The following SOCS7 variants were observed in gnomAD, a reference collection of about 807,000 sequenced individuals.
SOCS7 encodes the protein suppressor of cytokine signaling 7.
A neutral mutation model predicts 58.9 loss-of-function variants in SOCS7; 18 were observed. That is an observed-to-expected ratio of 0.31 (90% confidence interval 0.21 to 0.45). The LOEUF (loss-of-function observed/expected upper bound fraction) is 0.45. Ranked by LOEUF, SOCS7 falls within the 20% of genes least tolerant of loss-of-function variation. SOCS7 has a pLI of 1.00. For synonymous variants in SOCS7, 388 were observed against 364.3 expected (o/e 1.06, Z -0.74); for missense variants, 667 against 837.3 (o/e 0.80, Z 2.51).
Position 38,368,807 on chromosome 17 carries a change from T to G in SOCS7, c.1552+757T>G, listed in dbSNP as rs1344150509. Among the ~76,000 whole-genome samples the G allele has an allele frequency of 2.7e-4, 41 of 152,218 alleles. 1 individual carries two copies. The highest frequency in any genetic ancestry group is 2.7e-3 in the Admixed American group (41 of 15,278). On this transcript the variant is annotated intron_variant, in intron 6 of 9. Coordinates refer to ENST00000612932, the MANE Select transcript of SOCS7 (RefSeq NM_014598.4). ...GTGTCTGAATTTCTTTGTCTGATAG[T>G]CACTTTCTCCCAGGCAGCATGGTGA...
rs747419721 is a variant in SOCS7, at chr17:38,352,806, C to T, written c.754C>T (p.Pro252Ser). The T allele has an allele frequency of 1.3e-6, 2 of 1,554,322 alleles. No homozygotes were observed. Among genetic ancestry groups the T allele is most frequent in the African/African-American group, 1.4e-5 (1 of 73,320 alleles). Residue 252 changes from proline (P) to serine (S), a missense_variant, in exon 1 of 10, where the codon CCT becomes TCT. By Grantham distance (74) the Pro-to-Ser change is moderately conservative (BLOSUM62 -1). Transcript: ENST00000612932. This position sits in a 1 kb window ranked among gnomAD's most constrained non-coding sequence, Gnocchi z 5.5. Reference protein sequence around the residue: ...GEQQQQQQQQPPPPPPPPGPL... With the variant: ...GEQQQQQQQQSPPPPPPPGPL... Reference sequence around the variant, plus strand: ...GCAGCAGCAGCAGCAGCAGCAGCAACCTCCCCCGCCCCCGCCTCCTCCCGG... The same window carrying T: ...GCAGCAGCAGCAGCAGCAGCAGCAATCTCCCCCGCCCCCGCCTCCTCCCGG...
intron 2 of SOCS7, among the ~76,000 whole-genome samples, chr17:38,362,692 C>T (rs956316853): frequency 2.6e-5 from 4 of 152,180 alleles, no homozygotes; most frequent in African/African-American, 9.6e-5. Flanking sequence ...TGAATTGGTA[C>T]CTGTATAGGC....
At chr17:38,373,010 G>A (rs8066345) in intron 6 of SOCS7, among the ~76,000 whole-genome samples, 73 of 152,078 alleles carry the variant, frequency 4.8e-4, no homozygotes, top group African/African-American at 1.7e-3. Context: ...GGAGGCTGAG[G>A]CAGGAGAATC....
chr17:38,396,596 G>A (rs1363491038), intron 9 of SOCS7, among the ~76,000 whole-genome samples: 2 of 152,172 alleles, frequency 1.3e-5, no homozygotes, highest in Admixed American at 6.5e-5. Flanking sequence ...ATTTATCTAC[G>A]AGGCTCTTCT....
chr17:38,399,388 C>T (rs1353222488), intron 9 of SOCS7, 125 bp from the exon 10 acceptor site: 2 of 152,234 alleles, frequency 1.3e-5, no homozygotes, highest in Non-Finnish European at 2.9e-5. Flanking sequence ...TGGAAGCGTT[C>T]AGCTCTCCAG....
In SOCS7 at chr17:38,352,103, G is replaced by T; in HGVS notation, c.51G>T (p.Ser17=). 1 of 715,628 alleles carries T rather than the reference G, an allele frequency of 1.4e-6. No individual in the cohort carries two copies. Among genetic ancestry groups the T allele is most frequent in the African/African-American group, 1.9e-5 (1 of 53,590 alleles). The allele number at this position is 715,628 out of a possible 1,614,324, so 44.3% of individuals were successfully genotyped here. ...GCGAGGCGGCGGCGGCGGCCGCTTC[G>T]TACCGCGTCCTGAGCCGCCTCCTTG... ...RDGEAAAAAA[S]YRVLSRLLGY... Residue 17 remains serine, a synonymous_variant, in exon 1 of 10, where the codon TCG becomes TCT. Coordinates refer to ENST00000612932, the MANE Select transcript of SOCS7 (RefSeq NM_014598.4). The surrounding 1 kb of genome is among the most constrained non-coding windows in gnomAD (Gnocchi z 5.5).
At chr17:38,380,638 A>AT (rs1357022725) in intron 7 of SOCS7, among the ~76,000 whole-genome samples, 4 of 151,524 alleles carry the variant, frequency 2.6e-5, no homozygotes, top group African/African-American at 9.7e-5. Context: ...CTCAAAAAAA[A>AT]AAAAATAATA....
At chr17:38,361,915 G>A in intron 2 of SOCS7, 140 bp downstream of exon 2, 2 of 641,122 alleles carry the variant, frequency 3.1e-6, no homozygotes, top group African/African-American at 1.8e-5. Context: ...TAGTGGGTTT[G>A]GGGTGAGGCT....
intron 7 of SOCS7, among the ~76,000 whole-genome samples, chr17:38,387,664 T>TAA (rs1383699730): frequency 1.1e-4 from 9 of 83,704 alleles, no homozygotes; most frequent in African/African-American, 6.3e-4. Flanking sequence ...ATTGTATATA[T>TAA]TATACTATAT....
intron 1 of SOCS7, among the ~76,000 whole-genome samples, chr17:38,358,701 A>G (rs1427775864): frequency 6.6e-6 from 1 of 152,078 alleles, no homozygotes; most frequent in African/African-American, 2.4e-5. Flanking sequence ...TGTCTCCCCA[A>G]AGAGAGAAAG....
At position 38,377,625 on chromosome 17, in the gene SOCS7, G is replaced by A. The variant is rs1053192204; in HGVS notation, c.1553-89G>A. 1.8e-5 allele frequency: 24 copies of A among 1,314,866 alleles called. No individual in the cohort carries two copies. The African/African-American group carries it at 3.1e-4, about 17-fold the overall frequency. The allele number at this position is 1,314,866 out of a possible 1,614,324, so 81.4% of individuals were successfully genotyped here. A position where few individuals can be genotyped will look rare whatever the true frequency, so the allele number is the denominator to read the frequency against. On this transcript the variant is annotated intron_variant, in intron 6 of 9. Coordinates refer to ENST00000612932, the MANE Select transcript of SOCS7 (RefSeq NM_014598.4). ...TTGCCCCCAAACTGCCCTCCCAAAA[G>A]TGAGAATCATAGTTAAAATATTCAA...
chr17:38,354,317 A>C (rs1421603574), intron 1 of SOCS7, among the ~76,000 whole-genome samples: 1 of 152,216 alleles, frequency 6.6e-6, no homozygotes, highest in Non-Finnish European at 1.5e-5. Flanking sequence ...CTGTGAACTA[A>C]GATCACTTGG....
intron 7 of SOCS7, among the ~76,000 whole-genome samples, chr17:38,392,567 A>G (rs184469486): frequency 3.6e-4 from 55 of 152,350 alleles, no homozygotes; most frequent in African/African-American, 1.3e-3. Flanking sequence ...TGAGTTAAAT[A>G]TATTCAGGTG....
In SOCS7 at chr17:38,401,101, CCTT is replaced by C. The variant is rs1205578369; in HGVS notation, c.*1624_*1626del. On this transcript the variant is annotated 3_prime_UTR_variant, in exon 10 of 10. Coordinates refer to ENST00000612932, the MANE Select transcript of SOCS7 (RefSeq NM_014598.4). The stretch of plus-strand genomic sequence containing the variant: ...AGGACTGCCTCATCTGGGAGCATTG[CCTT>C]CTTCCTTAGTCCCACGTGGAGTGAC... 1 of 152,058 alleles carries C rather than the reference CCTT, an allele frequency of 6.6e-6. No individual in the cohort carries two copies. Among genetic ancestry groups the C allele is most frequent in the African/African-American group, 2.4e-5 (1 of 41,336 alleles). The allele number at this position is 152,058 out of a possible 1,614,324, so 9.4% of individuals were successfully genotyped here.
rs1555570708 is a variant in SOCS7, at chr17:38,387,149, A to ATATG, written c.1682-8159_1682-8156dup. 6.4e-5 allele frequency among the ~76,000 whole-genome samples: 8 copies of ATATG among 125,560 alleles called. 1 individual carries two copies. The highest frequency in any genetic ancestry group is 2.4e-4 in the African/African-American group (7 of 29,232). 82.4% of individuals were successfully genotyped at this position (125,560 alleles called of 152,430 possible). On this transcript the variant is annotated intron_variant, in intron 7 of 9. Coordinates refer to ENST00000612932, the MANE Select transcript of SOCS7 (RefSeq NM_014598.4). ...TATATGTATGTATATATATATATAT[A>ATATG]TATGATTAATTCAGCCAGGTGCAGT...
Position 38,401,460 on chromosome 17 carries a change from T to TC in SOCS7, c.*1978_*1979insC, listed in dbSNP as rs961117690. 6.6e-6 allele frequency: 1 copy of TC among 152,092 alleles called. No individual in the cohort carries two copies. The highest frequency in any genetic ancestry group is 2.4e-5 in the African/African-American group (1 of 41,368). 9.4% of individuals were successfully genotyped at this position (152,092 alleles called of 1,614,324 possible). On this transcript the variant is annotated 3_prime_UTR_variant, in exon 10 of 10. Transcript: ENST00000612932. ...ATATACAGCCTGGGATCTTTCTTTTTTTTGTTCCTTTTCAACCACCCATAA... is the reference window on the plus strand; with the variant it reads ...ATATACAGCCTGGGATCTTTCTTTTTCTTTGTTCCTTTTCAACCACCCATAA...
intron 7 of SOCS7, among the ~76,000 whole-genome samples, chr17:38,382,670 G>T (rs756496879): frequency 6.6e-6 from 1 of 151,846 alleles, no homozygotes; most frequent in African/African-American, 2.4e-5. Flanking sequence ...TGTATTTTTA[G>T]TAGAGACGGG....
chr17:38,383,616 G>A (rs139721344), intron 7 of SOCS7, among the ~76,000 whole-genome samples: 1 of 152,248 alleles, frequency 6.6e-6, no homozygotes, highest in African/African-American at 2.4e-5. Flanking sequence ...GGAGTGCAGT[G>A]GCGCAATCTC....
At chr17:38,361,199 A>T (rs1337266322) in intron 1 of SOCS7, among the ~76,000 whole-genome samples, 1 of 152,256 alleles carries the variant, frequency 6.6e-6, no homozygotes, top group Non-Finnish European at 1.5e-5. Context: ...ATTGTGCAGA[A>T]ATCAGAGGTC....
Sources: allele counts gnomAD v4.1 joint callset (sites outside exome capture counted in the v4.1 genomes callset), GRCh38; gene constraint gnomAD v4.1.1; non-coding constraint Gnocchi (gnomAD v3.1); transcripts MANE v1.5; gene names NCBI Gene and HGNC (gene_info 2026-07-23, HGNC 2026-07-21).